Variants in ADCY2 observed in about 807,000 individuals in gnomAD.
ADCY2 encodes the protein adenylate cyclase type 2.
ADCY2 carries 31 observed loss-of-function variants against 125.2 expected under a neutral mutation model. The observed-to-expected ratio is 0.25, with a 90% CI of 0.19 to 0.33. The LOEUF is 0.33. Ranked by LOEUF, ADCY2 falls within the 10% of genes least tolerant of loss-of-function variation. The pLI, the probability that ADCY2 is intolerant of heterozygous loss-of-function variation, is 1.00. For missense variants in ADCY2, 904 were observed against 1,418.2 expected (o/e 0.64, Z 5.82); for synonymous variants, 512 against 548.4 (o/e 0.93, Z 0.93).
chr5:7,575,587 T>C (rs190829143), intron 3 of ADCY2, among the ~76,000 whole-genome samples: 32 of 152,232 alleles, frequency 2.1e-4, no homozygotes, highest in Admixed American at 1.6e-3. Flanking sequence ...ATTCTGAAGA[T>C]TTAGGACTTC....
intron 22 of ADCY2, among the ~76,000 whole-genome samples, chr5:7,806,001 A>G (rs1273802766): frequency 6.6e-6 from 1 of 152,220 alleles, no homozygotes. Context: ...GAAACCCCAG[A>G]AGAACCTTGC....
At chr5:7,478,363 C>A (rs1742597285) in intron 2 of ADCY2, among the ~76,000 whole-genome samples, 1 of 152,144 alleles carries the variant, frequency 6.6e-6, no homozygotes, top group Admixed American at 6.6e-5. Flanking sequence ...AAATGTTATT[C>A]CATATAAAAA....
intron 4 of ADCY2, among the ~76,000 whole-genome samples, chr5:7,647,726 T>TA (rs769856282): frequency 4.6e-5 from 7 of 152,234 alleles, no homozygotes; most frequent in Non-Finnish European, 8.8e-5. Flanking sequence ...TTTGGCCTTT[T>TA]ACTCTAGACT....
chr5:7,540,680 T>C (rs1734967202), intron 3 of ADCY2, among the ~76,000 whole-genome samples: 1 of 152,220 alleles, frequency 6.6e-6, no homozygotes, highest in African/African-American at 2.4e-5. Context: ...CAGGACACAC[T>C]GGTGAGCATT....
At chr5:7,443,072 C>T (rs188968970) in intron 2 of ADCY2, among the ~76,000 whole-genome samples, 79 of 152,238 alleles carry the variant, frequency 5.2e-4, no homozygotes, top group Non-Finnish European at 1.0e-3. Flanking sequence ...GATTTCTGCA[C>T]AACAAAATAC....
intron 15 of ADCY2, among the ~76,000 whole-genome samples, chr5:7,750,120 T>A (rs551964635): frequency 1.3e-5 from 2 of 152,284 alleles, no homozygotes; most frequent in East Asian, 3.9e-4. Context: ...CATTTACCTG[T>A]ATTATAATTA....
intron 3 of ADCY2, among the ~76,000 whole-genome samples, chr5:7,611,442 G>T (rs1308279983): frequency 1.3e-5 from 2 of 152,042 alleles, no homozygotes; most frequent in East Asian, 3.9e-4. Context: ...AGTCTTGATT[G>T]TTAAACATCT....
At chr5:7,678,951 C>T (rs1320002202) in intron 4 of ADCY2, among the ~76,000 whole-genome samples, 8 of 152,228 alleles carry the variant, frequency 5.3e-5, no homozygotes. Context: ...TGTATCCATC[C>T]AACAAATGTT....
At chr5:7,548,226 T>TA (rs150383590) in intron 3 of ADCY2, among the ~76,000 whole-genome samples, 2,849 of 152,270 alleles carry the variant, frequency 0.019, 89 homozygotes, top group African/African-American at 0.064. Context: ...CTTTTTAAAT[T>TA]AATTTTTGTC....
At chr5:7,452,099 G>A (rs948676140) in intron 2 of ADCY2, among the ~76,000 whole-genome samples, 1 of 152,088 alleles carries the variant, frequency 6.6e-6, no homozygotes, top group Non-Finnish European at 1.5e-5. Context: ...TTTTAGTAGA[G>A]ACAGAGTTTC....
At chr5:7,409,609 T>C (rs532222266) in intron 1 of ADCY2, among the ~76,000 whole-genome samples, 1 of 152,330 alleles carries the variant, frequency 6.6e-6, no homozygotes, top group African/African-American at 2.4e-5. Context: ...ATATTCCACA[T>C]GCACTTCAGA....
intron 4 of ADCY2, among the ~76,000 whole-genome samples, chr5:7,674,846 G>C (rs901212684): frequency 2.2e-4 from 34 of 152,260 alleles, no homozygotes; most frequent in African/African-American, 7.7e-4. Context: ...AATTTCCTTT[G>C]TTGCATTTTA....
In ADCY2 at chr5:7,718,342, G is replaced by T. The variant is rs557467364; in HGVS notation, c.1703+1105G>T. 6.9e-3 allele frequency among the ~76,000 whole-genome samples: 1,043 copies of T among 151,980 alleles called. 5 individuals carry two copies. The highest frequency in any genetic ancestry group is 0.011 in the Non-Finnish European group (731 of 67,956). On this transcript the variant is annotated intron_variant, in intron 12 of 24. Transcript: ENST00000338316. Reference sequence around the variant, plus strand: ...TTTTTGTATTTTCAGTAGAGACAGGGTTTCACCGTGTTAGCCAGGATGGTC... The same window carrying T: ...TTTTTGTATTTTCAGTAGAGACAGGTTTTCACCGTGTTAGCCAGGATGGTC...
chr5:7,651,441 T>G (rs1370958001), intron 4 of ADCY2, among the ~76,000 whole-genome samples: 1 of 152,162 alleles, frequency 6.6e-6, no homozygotes, highest in East Asian at 1.9e-4. Flanking sequence ...AGGCCAACTG[T>G]GCAGCCTTCA....
chr5:7,512,235 A>AAAAAAAAAAAAAAAAAAAAAAAC (rs1744093617), intron 2 of ADCY2, among the ~76,000 whole-genome samples: 2 of 150,206 alleles, frequency 1.3e-5, no homozygotes, highest in Non-Finnish European at 3.0e-5. Context: ...AAAAAAAAAA[A>AAAAAAAAAAAAAAAAAAAAAAAC]AAAAAGAAAA....
At chr5:7,561,409 TAGGCAGTTGTAACACAATGGTA>T (rs1735704270) in intron 3 of ADCY2, among the ~76,000 whole-genome samples, 1 of 152,206 alleles carries the variant, frequency 6.6e-6, no homozygotes, top group South Asian at 2.1e-4. Flanking sequence ...CTGAATGCTG[TAGGCAGTTGTAACACAATGGTA>T]AGCGTTTGGG....
At chr5:7,471,227 T>A (rs574579695) in intron 2 of ADCY2, among the ~76,000 whole-genome samples, 1 of 152,090 alleles carries the variant, frequency 6.6e-6, no homozygotes, top group African/African-American at 2.4e-5. Context: ...GGCTTTTAAT[T>A]GGTGTGTCTA....
intron 3 of ADCY2, among the ~76,000 whole-genome samples, chr5:7,601,024 G>T (rs113453638): frequency 0.025 from 3,807 of 152,214 alleles, 163 homozygotes; most frequent in African/African-American, 0.087. Flanking sequence ...CATGAATTTT[G>T]AAATCCTTTA....
chr5:7,500,879 A>C (rs1743536450), intron 2 of ADCY2, among the ~76,000 whole-genome samples: 1 of 152,162 alleles, frequency 6.6e-6, no homozygotes, highest in Non-Finnish European at 1.5e-5. Flanking sequence ...AGAAACTGGG[A>C]TCCTTGCAGA....
Sources: gnomAD v4.1 joint callset for allele counts (sites outside exome capture counted in the v4.1 genomes callset) on GRCh38, gnomAD v4.1.1 for gene constraint, MANE v1.5 for transcripts, NCBI Gene and HGNC (gene_info 2026-07-23, HGNC 2026-07-21) for gene names.